KAT6B: variants seen among roughly 807,000 people sequenced by gnomAD.
The protein encoded by KAT6B is lysine acetyltransferase 6B, also known as histone acetyltransferase KAT6B.
KAT6B carries 10 observed loss-of-function variants against 187.5 expected under a neutral mutation model. The observed-to-expected ratio is 0.05, with a 90% CI of 0.03 to 0.09. The LOEUF (loss-of-function observed/expected upper bound fraction) is 0.09, where lower values mean the gene tolerates loss of function less well. Ranked by LOEUF, KAT6B falls within the 10% of genes least tolerant of loss-of-function variation. KAT6B has a pLI of 1.00. For missense variants in KAT6B, 1,952 were observed against 2,558.9 expected (o/e 0.76, Z 5.12); for synonymous variants, 861 against 926.8 (o/e 0.93, Z 1.29).
intron 13 of KAT6B, among the ~76,000 whole-genome samples, chr10:75,001,598 G>A (rs1215512740): frequency 6.6e-6 from 1 of 152,204 alleles, no homozygotes; most frequent in East Asian, 1.9e-4. Context: ...CAGGTTGCCA[G>A]CTACTACTAG....
chr10:75,001,449 G>A (rs1843829038), intron 13 of KAT6B, among the ~76,000 whole-genome samples: 1 of 151,616 alleles, frequency 6.6e-6, no homozygotes, highest in Non-Finnish European at 1.5e-5. Context: ...TCTACCCAGG[G>A]GGGTATCATG....
At chr10:75,003,785 T>C (rs184635932) in intron 13 of KAT6B, among the ~76,000 whole-genome samples, 3 of 152,354 alleles carry the variant, frequency 2.0e-5, no homozygotes, top group Non-Finnish European at 2.9e-5. Context: ...CTCAGTGATT[T>C]ATTCAGAGGT....
In KAT6B at chr10:74,976,003, C is replaced by T; in HGVS notation, c.1666C>T (p.Gln556Ter). 6.2e-7 allele frequency: 1 copy of T among 1,614,156 alleles called. No homozygotes were observed. The highest frequency in any genetic ancestry group is 8.5e-7 in the Non-Finnish European group (1 of 1,180,030). Residue 556 changes from glutamine (Q) to a stop codon, truncating the protein, a stop_gained, in exon 8 of 18, where the codon CAG becomes TAG. Transcript: ENST00000287239. LOFTEE classifies it high-confidence loss of function. ...GLSHIYTTQG[Q>*]SRKKGHPSYA... ...TTCTCATATCTATACCACTCAGGGA[C>T]AGTCTCGCAAAAAGGGACACCCGAG...
intron 3 of KAT6B, among the ~76,000 whole-genome samples, chr10:74,957,112 G>T (rs1370049544): frequency 1.3e-5 from 2 of 152,112 alleles, no homozygotes; most frequent in Non-Finnish European, 2.9e-5. Context: ...TTTAAACACA[G>T]TTTATATGTA....
intron 1 of KAT6B, among the ~76,000 whole-genome samples, chr10:74,836,593 T>G (rs929565957): frequency 5.3e-5 from 8 of 152,164 alleles, no homozygotes; most frequent in African/African-American, 1.7e-4. Context: ...TCAGAGGAAA[T>G]AGATGCATCC....
intron 3 of KAT6B, among the ~76,000 whole-genome samples, chr10:74,948,754 T>C (rs1352949966): frequency 6.6e-6 from 1 of 152,248 alleles, no homozygotes; most frequent in Non-Finnish European, 1.5e-5. Flanking sequence ...ATGCCTATCC[T>C]TTAATCTATG....
intron 3 of KAT6B, among the ~76,000 whole-genome samples, chr10:74,910,663 C>T (rs2132904261): frequency 6.6e-6 from 1 of 150,766 alleles, no homozygotes; most frequent in South Asian, 2.1e-4. Flanking sequence ...GCATCCTTCT[C>T]ACTCTCCCTG....
intron 13 of KAT6B, among the ~76,000 whole-genome samples, chr10:74,989,670 T>G (rs185943092): frequency 1.3e-4 from 20 of 152,302 alleles, no homozygotes; most frequent in African/African-American, 4.8e-4. Context: ...AAGAAATATT[T>G]ATCTTATATG....
chr10:74,886,851 C>T (rs542227283), intron 3 of KAT6B, among the ~76,000 whole-genome samples: 1 of 152,314 alleles, frequency 6.6e-6, no homozygotes, highest in East Asian at 1.9e-4. Context: ...AGTCAGGGAA[C>T]TCGGAACCTA....
rs1846258995 is a variant in KAT6B at position 75,030,767 on chromosome 10, T to A, written c.5943T>A (p.Ser1981=). 2 of 1,614,228 alleles carry A rather than the reference T, an allele frequency of 1.2e-6. No homozygotes were observed. Among genetic ancestry groups the A allele is most frequent in the East Asian group, 4.5e-5 (2 of 44,886 alleles). Residue 1981 remains serine (S), a synonymous_variant, in exon 18 of 18, where the codon TCT becomes TCA. Transcript: ENST00000287239. The surrounding 1 kb of genome is among the most constrained non-coding windows in gnomAD (Gnocchi z 4.8). ...LMPAPAYNVN[S]VNMNMNTLNA... is the part of the protein sequence containing the mutation. ...CAGCGCCAGCCTACAATGTCAACTCTGTGAACATGAACATGAACACTCTCA... is the reference window on the plus strand; with the variant it reads ...CAGCGCCAGCCTACAATGTCAACTCAGTGAACATGAACATGAACACTCTCA...
At chr10:74,964,400 T>G (rs1433146914) in intron 4 of KAT6B, among the ~76,000 whole-genome samples, 1 of 152,232 alleles carries the variant, frequency 6.6e-6, no homozygotes, top group African/African-American at 2.4e-5. Context: ...TCTTTTTTCT[T>G]GAAGTGTTCT....
rs1470814465 is a variant in KAT6B at position 74,870,358 on chromosome 10, G to A, written c.621+26880G>A. ...TGAGACCTATATTGAAGGGCCCAAG[G>A]GCAGATTGTCAAGATGGCAGACCTT... On this transcript the variant is annotated intron_variant, in intron 3 of 17. Transcript: ENST00000287239. Among the ~76,000 whole-genome samples, 3 of 151,910 alleles carry A rather than the reference G, an allele frequency of 2.0e-5. No individual in the cohort carries two copies. The East Asian group carries it at 5.8e-4, about 29-fold the overall frequency.
chr10:74,995,105 A>G (rs1310770250), intron 13 of KAT6B, among the ~76,000 whole-genome samples: 3 of 152,108 alleles, frequency 2.0e-5, no homozygotes, highest in African/African-American at 7.2e-5. Flanking sequence ...ATTACCCACA[A>G]TATACTTATG....
chr10:74,825,894 G>A (rs1456831479), upstream of KAT6B, among the ~76,000 whole-genome samples: 4 of 151,762 alleles, frequency 2.6e-5, no homozygotes, highest in Non-Finnish European at 5.9e-5. This position sits in a 1 kb window ranked among gnomAD's most constrained non-coding sequence, Gnocchi z 5.0. Flanking sequence ...CGAGCCAGGG[G>A]GCGGGCGAGT....
At chr10:74,862,541 C>T (rs1736549758) in intron 3 of KAT6B, among the ~76,000 whole-genome samples, 1 of 152,070 alleles carries the variant, frequency 6.6e-6, no homozygotes, top group South Asian at 2.1e-4. Context: ...GTGATGCCAG[C>T]ATGCATCACA....
chr10:74,921,331 C>T (rs577039719), intron 3 of KAT6B, among the ~76,000 whole-genome samples: 3 of 152,094 alleles, frequency 2.0e-5, no homozygotes, highest in African/African-American at 7.2e-5. Context: ...CCAGGCCGGT[C>T]TGGAACTCCT....
At chr10:74,951,355 C>T (rs1840307481) in intron 3 of KAT6B, among the ~76,000 whole-genome samples, 1 of 152,090 alleles carries the variant, frequency 6.6e-6, no homozygotes, top group South Asian at 2.1e-4. Context: ...TGGTCTAGAA[C>T]TCTTGGCCTC....
intron 3 of KAT6B, among the ~76,000 whole-genome samples, chr10:74,900,282 A>T (rs1433956275): frequency 2.6e-5 from 4 of 152,224 alleles, no homozygotes; most frequent in African/African-American, 9.6e-5. Context: ...GAAATATATT[A>T]TTAATTAATT....
chr10:74,881,936 C>A (rs149702368), intron 3 of KAT6B, among the ~76,000 whole-genome samples: 1 of 152,224 alleles, frequency 6.6e-6, no homozygotes, highest in Non-Finnish European at 1.5e-5. Flanking sequence ...GGATTACCAG[C>A]GTGAACCACC....
Sources: allele counts gnomAD v4.1 joint callset (sites outside exome capture counted in the v4.1 genomes callset), GRCh38; gene constraint gnomAD v4.1.1; non-coding constraint Gnocchi (gnomAD v3.1); transcripts MANE v1.5; gene names NCBI Gene and HGNC (gene_info 2026-07-23, HGNC 2026-07-21).